The following CYP3A5 variants were observed in gnomAD, a reference collection of about 807,000 sequenced individuals.
The protein encoded by CYP3A5 is cytochrome P450 3A5.
In CYP3A5, 51 loss-of-function variants were observed where a neutral mutation model predicts 55.9. The observed-to-expected ratio is 0.91, with a 90% CI of 0.73 to 1.15. CYP3A5 has a LOEUF of 1.15. CYP3A5 is among the 50% of genes most tolerant of loss of function. The probability of loss-of-function intolerance (pLI) is 0.00; values close to 1 mark genes in which losing one functional copy is unlikely to be tolerated. For missense variants in CYP3A5, 533 were observed against 596.6 expected, an observed-to-expected ratio of 0.89 and a Z score of 1.11; for synonymous variants, 196 against 213.9, an observed-to-expected ratio of 0.92 and a Z score of 0.73.
At chr7:99,669,881 G>C (rs543658427) in intron 4 of CYP3A5, among the ~76,000 whole-genome samples, 1 of 152,280 alleles carries the variant, frequency 6.6e-6, no homozygotes, top group South Asian at 2.1e-4. Context: ...GTAAAAGAGA[G>C]GGACTTGTAC....
chr7:99,672,677 G>A lies in CYP3A5; in HGVS notation c.221C>T (p.Thr74Met), dbSNP rs1257327336. The change falls in exon 4 of 13, where the codon ACG becomes ATG. Residue 74 changes from threonine to methionine, a missense_variant and splice_region_variant. By Grantham distance (81) the Thr-to-Met change is moderately conservative. Transcript: ENST00000222982. ...CAGCACAGGGAGTTGACCTTCATACGTTCTGTGTGGGGACAACGGAGCTGA... is the reference window on the plus strand; with the variant it reads ...CAGCACAGGGAGTTGACCTTCATACATTCTGTGTGGGGACAACGGAGCTGA... The part of the protein sequence containing the change: ...CYKKYGKMWG[T>M]YEGQLPVLAI... The A allele has an allele frequency of 6.8e-6, 11 of 1,614,018 alleles. No homozygotes were observed. Among genetic ancestry groups the A allele is most frequent in the South Asian group, 4.4e-5 (4 of 91,070 alleles).
At chr7:99,659,995 CTGACCCCT>C (rs916325254) in intron 10 of CYP3A5, 1 of 159,896 alleles carries the variant, frequency 6.3e-6, no homozygotes, top group Non-Finnish European at 1.3e-5. Context: ...AGGGAATTCC[CTGACCCCT>C]TGCACTTCCC....
Position 99,662,786 on chromosome 7 carries a change from C to A in CYP3A5, c.865+30G>T. ...AGGCCCTCCCTCTTAGTGTCCCCGC[C>A]AGTAGCCCTCAGAAGCACTCCTTGG... On this transcript the variant is annotated intron_variant, in intron 9 of 12. Transcript: ENST00000222982. The surrounding 1 kb of genome is among the most constrained non-coding windows in gnomAD (Gnocchi z 4.3). The A allele has an allele frequency of 6.3e-7, 1 of 1,598,406 alleles. No individual in the cohort carries two copies. Among genetic ancestry groups the A allele is most frequent in the South Asian group, 1.1e-5 (1 of 90,668 alleles).
chr7:99,670,893 A>G (rs1376038820), intron 4 of CYP3A5: 1 of 152,154 alleles, frequency 6.6e-6, no homozygotes, highest in African/African-American at 2.4e-5. Context: ...GTACCCCACT[A>G]GTTTTATGTT....
At chr7:99,670,652 A>G (rs1028438062) in intron 4 of CYP3A5, among the ~76,000 whole-genome samples, 15 of 152,218 alleles carry the variant, frequency 9.9e-5, no homozygotes, top group Admixed American at 2.0e-4. Context: ...GGACTTTTGT[A>G]AGACCTGTCT....
At chr7:99,655,905 T>C (rs930951719) in intron 10 of CYP3A5, among the ~76,000 whole-genome samples, 21 of 152,146 alleles carry the variant, frequency 1.4e-4, no homozygotes, top group Admixed American at 9.2e-4. Flanking sequence ...TATAAGAATA[T>C]TTGTGATTTT....
At chr7:99,671,708 A>G in intron 4 of CYP3A5, 2 of 650,732 alleles carry the variant, frequency 3.1e-6, no homozygotes, top group South Asian at 1.7e-5. Flanking sequence ...AGAACAATCC[A>G]TAAAAGGAAA....
chr7:99,672,037 C>T (rs957396380), intron 4 of CYP3A5, among the ~76,000 whole-genome samples: 12 of 150,696 alleles, frequency 8.0e-5, no homozygotes, highest in East Asian at 1.9e-4. Context: ...TGCAGTTTGC[C>T]GGTTTTTGTT....
At chr7:99,665,366 C>G in intron 6 of CYP3A5, 52 bp from the exon 7 acceptor site, 1 of 1,606,070 alleles carries the variant, frequency 6.2e-7, no homozygotes, top group Non-Finnish European at 8.5e-7. Flanking sequence ...TACCGTCCTT[C>G]CACTATACAT....
At chr7:99,668,976 A>AC (rs1254132162) in intron 4 of CYP3A5, among the ~76,000 whole-genome samples, 1 of 152,224 alleles carries the variant, frequency 6.6e-6, no homozygotes, top group African/African-American at 2.4e-5. Context: ...TATTTAGAAG[A>AC]CATGTAAGTA....
chr7:99,678,681 A>C lies in CYP3A5; in HGVS notation c.71+1145T>G, dbSNP rs4646444. On this transcript the variant is annotated intron_variant, in intron 1 of 12. Transcript: ENST00000222982. ...TATCTCCAAAAAATTCTGGTTTAAA[A>C]ATGAATGAATTTAAACCATATCAAT... 1.4e-4 allele frequency among the ~76,000 whole-genome samples: 21 copies of C among 152,386 alleles called. No homozygotes were observed. In the East Asian group the frequency reaches 4.0e-3, roughly 29 times the overall value.
In CYP3A5 at chr7:99,662,829, A is replaced by C; in HGVS notation, c.852T>G (p.Thr284=). 6.2e-7 allele frequency: 1 copy of C among 1,613,980 alleles called. No individual in the cohort carries two copies. Among genetic ancestry groups the C allele is most frequent in the Non-Finnish European group, 8.5e-7 (1 of 1,179,878 alleles). Residue 284 remains threonine (T), a synonymous_variant, in exon 9 of 13, where the codon ACT becomes ACG. Transcript: ENST00000222982. This position sits in a 1 kb window ranked among gnomAD's most constrained non-coding sequence, Gnocchi z 4.3. ...LMIDSQNSKE[T]ESHKALSDLE... is the part of the protein sequence containing the mutation. ...CTCCTTGGTTACCTTTGTGGGACTC[A>C]GTTTCTTTCGAATTCTGGGAGTCAA...
rs576432574 is a variant in CYP3A5 at position 99,648,197 on chromosome 7, A to G, written c.*108T>C. 2.0e-5 allele frequency: 30 copies of G among 1,477,094 alleles called. No homozygotes were observed. The African/African-American group carries it at 3.0e-4, about 15-fold the overall frequency. 91.5% of individuals were successfully genotyped at this position (1,477,094 alleles called of 1,614,324 possible). The stretch of plus-strand genomic sequence containing the variant: ...AAATCACCAACTACTCATGCAGTAC[A>G]TTAGATTAAGCCCATCTTTATTTCA... On this transcript the variant is annotated 3_prime_UTR_variant, in exon 13 of 13. Coordinates refer to ENST00000222982, the MANE Select transcript of CYP3A5 (RefSeq NM_000777.5).
In CYP3A5 at chr7:99,676,120, G is replaced by T. The variant is rs566629410; in HGVS notation, c.160C>A (p.Arg54Ser). Reference protein sequence around the residue: ...LPLLGNVLSYRQGLWKFDTEC... With the variant: ...LPLLGNVLSYSQGLWKFDTEC... ...AGGAAGCTCAAGCAACTCACCTGAC[G>T]ATAGGACAAAACATTTCCCAACAAA... The change falls in exon 2 of 13, where the codon CGT becomes AGT. Residue 54 changes from arginine (R) to serine (S), a missense_variant. Transcript: ENST00000222982. 1 of 1,613,420 alleles carries T rather than the reference G, an allele frequency of 6.2e-7. No homozygotes were observed. Among genetic ancestry groups the T allele is most frequent in the South Asian group, 1.1e-5 (1 of 91,070 alleles).
chr7:99,660,549 C>G lies in CYP3A5; in HGVS notation c.976G>C (p.Asp326His). ...FTLYELATHPDVQQKLQKEID... is the reference protein window; with the variant it reads ...FTLYELATHPHVQQKLQKEID... ...TCCTTTTGCAGTTTCTGCTGGACAT[C>G]AGGGTGAGTGGCCAGTTCATATAAA... The change falls in exon 10 of 13, where the codon GAT (aspartate) becomes CAT (histidine). Residue 326 changes from aspartate to histidine, a missense_variant. Physicochemically the swap from Asp to His is moderately conservative, Grantham distance 81. Coordinates refer to ENST00000222982, the MANE Select transcript of CYP3A5 (RefSeq NM_000777.5). 6.2e-7 allele frequency: 1 copy of G among 1,613,782 alleles called. No homozygotes were observed. The highest frequency in any genetic ancestry group is 2.2e-5 in the East Asian group (1 of 44,854).
intron 9 of CYP3A5, 131 bp from the exon 10 acceptor site, chr7:99,660,790 G>A: frequency 1.8e-6 from 2 of 1,114,158 alleles, no homozygotes; most frequent in Non-Finnish European, 2.5e-6. Context: ...CACACTGGGA[G>A]TGGTTTTCAT....
chr7:99,668,313 G>T (rs116021329), intron 4 of CYP3A5, among the ~76,000 whole-genome samples: 1 of 152,098 alleles, frequency 6.6e-6, no homozygotes, highest in African/African-American at 2.4e-5. Context: ...CTATATTCAC[G>T]GGATGAAAGG....
intron 12 of CYP3A5, 67 bp from the exon 13 acceptor site, chr7:99,648,467 A>G: frequency 9.0e-7 from 1 of 1,114,406 alleles, no homozygotes; most frequent in Non-Finnish European, 1.3e-6. Context: ...ATGGAAGCAA[A>G]GTAGAAAAAA....
At chr7:99,678,543 C>G (rs1812515598) in intron 1 of CYP3A5, among the ~76,000 whole-genome samples, 1 of 152,156 alleles carries the variant, frequency 6.6e-6, no homozygotes, top group Non-Finnish European at 1.5e-5. Context: ...GTGCATTAGA[C>G]TCATATTCCT....
Sources: gnomAD v4.1 joint callset for allele counts (sites outside exome capture counted in the v4.1 genomes callset) on GRCh38, gnomAD v4.1.1 for gene constraint, Gnocchi (gnomAD v3.1) non-coding constraint, MANE v1.5 for transcripts, NCBI Gene and HGNC (gene_info 2026-07-23, HGNC 2026-07-21) for gene names.